CTBP2: variants seen among roughly 807,000 people sequenced by gnomAD.
CTBP2 encodes the protein C-terminal-binding protein 2.
Under a neutral mutation model 80.3 loss-of-function variants are expected in CTBP2, and 30 were observed. That is an observed-to-expected ratio of 0.37 (90% CI 0.28 to 0.51). The LOEUF (loss-of-function observed/expected upper bound fraction) is 0.51. Ranked by LOEUF, CTBP2 falls within the 20% of genes least tolerant of loss-of-function variation. The probability of loss-of-function intolerance (pLI) is 0.93; values close to 1 mark genes in which losing one functional copy is unlikely to be tolerated. For missense variants in CTBP2, 1,212 were observed against 1,375.3 expected (o/e 0.88, Z 1.88); for synonymous variants, 594 against 587.4 (o/e 1.01, Z -0.16).
Position 124,989,287 on chromosome 10 carries a change from C to G in CTBP2, c.*231G>C. 1 of 555,100 alleles carries G rather than the reference C, an allele frequency of 1.8e-6. No homozygotes were observed. The highest frequency in any genetic ancestry group is 3.2e-6 in the Non-Finnish European group (1 of 310,514). 34.4% of individuals were successfully genotyped at this position (555,100 alleles called of 1,614,324 possible). On this transcript the variant is annotated 3_prime_UTR_variant, in exon 9 of 9. Coordinates refer to ENST00000309035, the MANE Select transcript of CTBP2 (RefSeq NM_022802.3). ...ATGCACAGATGAAAAACTTAACACA[C>G]AATAACAGAAGTTGGTCGTTAATAA...
At chr10:125,033,491 G>A (rs1241961481) in intron 3 of CTBP2, among the ~76,000 whole-genome samples, 5 of 152,342 alleles carry the variant, frequency 3.3e-5, no homozygotes, top group Middle Eastern at 3.4e-3. Context: ...AAAGGAGAGA[G>A]GGCAAGAAGC....
chr10:125,032,117 T>C (rs938087873), upstream of CTBP2, among the ~76,000 whole-genome samples: 1 of 151,150 alleles, frequency 6.6e-6, no homozygotes, highest in Non-Finnish European at 1.5e-5. Flanking sequence ...GGAGCCAAAG[T>C]GTGCAACGGG....
At chr10:125,132,350 A>T (rs1043173242) in intron 1 of CTBP2, among the ~76,000 whole-genome samples, 1 of 152,218 alleles carries the variant, frequency 6.6e-6, no homozygotes, top group Non-Finnish European at 1.5e-5. Flanking sequence ...TTATGACACA[A>T]CTTGAGTCCA....
intron 1 of CTBP2, among the ~76,000 whole-genome samples, chr10:125,137,566 G>GA (rs1369904661): frequency 6.6e-6 from 1 of 152,162 alleles, no homozygotes; most frequent in Non-Finnish European, 1.5e-5. Flanking sequence ...ACACTAGGCT[G>GA]AAAAAATGGA....
chr10:125,149,439 A>G (rs1299136393), intron 1 of CTBP2, among the ~76,000 whole-genome samples: 1 of 152,154 alleles, frequency 6.6e-6, no homozygotes, highest in Non-Finnish European at 1.5e-5. Context: ...TTCATACCCA[A>G]GCTGGAGGTG....
intron 1 of CTBP2, among the ~76,000 whole-genome samples, chr10:125,149,938 C>T (rs531906845): frequency 1.3e-5 from 2 of 152,338 alleles, no homozygotes; most frequent in African/African-American, 4.8e-5. Context: ...ATTCAAATTC[C>T]TTTCTAAGGC....
chr10:125,117,025 G>A (rs112631010), intron 1 of CTBP2, among the ~76,000 whole-genome samples: 9 of 152,214 alleles, frequency 5.9e-5, no homozygotes, highest in African/African-American at 1.7e-4. Context: ...CCTTTCCTGC[G>A]TACCACAGTG....
At chr10:125,029,738 T>C (rs1957993120), upstream of CTBP2, among the ~76,000 whole-genome samples, 1 of 144,270 alleles carries the variant, frequency 6.9e-6, no homozygotes, top group Non-Finnish European at 1.6e-5. Context: ...GTCTTTTTTG[T>C]AGCAGGGTGA....
At chr10:125,156,793 T>G (rs1317331904) in intron 1 of CTBP2, among the ~76,000 whole-genome samples, 1 of 152,246 alleles carries the variant, frequency 6.6e-6, no homozygotes, top group African/African-American at 2.4e-5. Context: ...AATCTCTCTT[T>G]GAAACATTTT....
At chr10:125,057,634 A>T (rs1964215677) in intron 2 of CTBP2, among the ~76,000 whole-genome samples, 1 of 152,186 alleles carries the variant, frequency 6.6e-6, no homozygotes, top group Non-Finnish European at 1.5e-5. Context: ...TTGAATAGCA[A>T]ATGTTTCAAT....
chr10:124,985,014 A>C lies in CTBP2; in HGVS notation c.*4504T>G. 1 of 1,560,252 alleles carries C rather than the reference A, an allele frequency of 6.4e-7. No homozygotes were observed. Among genetic ancestry groups the C allele is most frequent in the Non-Finnish European group, 8.8e-7 (1 of 1,142,314 alleles). ...ATGAAAAAAAAAATCAAACAGCAGA[A>C]GACCAAGGCATCAGATCTGTAATGA... On this transcript the variant is annotated 3_prime_UTR_variant, in exon 9 of 9. Coordinates refer to ENST00000309035, the MANE Select transcript of CTBP2 (RefSeq NM_022802.3).
intron 2 of CTBP2, among the ~76,000 whole-genome samples, chr10:125,061,941 C>G (rs1243222712): frequency 1.3e-5 from 2 of 152,328 alleles, no homozygotes; most frequent in African/African-American, 4.8e-5. Context: ...AATGACTAAA[C>G]AGAGGCCCAG....
intron 8 of CTBP2, among the ~76,000 whole-genome samples, chr10:124,991,281 G>A (rs1022209042): frequency 4.6e-5 from 7 of 152,110 alleles, no homozygotes; most frequent in African/African-American, 1.7e-4. Context: ...CTGCCATCCT[G>A]TCACCAAGAC....
At chr10:125,069,618 TCAAA>T (rs201333061) in intron 2 of CTBP2, among the ~76,000 whole-genome samples, 1,845 of 152,286 alleles carry the variant, frequency 0.012, 40 homozygotes, top group African/African-American at 0.042. Context: ...AGACTTCATC[TCAAA>T]CAAACAAGAA....
intron 2 of CTBP2, among the ~76,000 whole-genome samples, chr10:125,084,330 G>A (rs939945830): frequency 1.3e-5 from 2 of 152,324 alleles, no homozygotes; most frequent in African/African-American, 4.8e-5. Context: ...GAAGCTGCAC[G>A]GAGAACGGTC....
intron 2 of CTBP2, among the ~76,000 whole-genome samples, chr10:125,047,702 G>C: frequency 6.6e-6 from 1 of 152,136 alleles, no homozygotes; most frequent in East Asian, 1.9e-4. Context: ...CCATATTATA[G>C]AACACTGTGT....
At chr10:125,126,060 G>C (rs1012492293) in intron 1 of CTBP2, among the ~76,000 whole-genome samples, 1 of 152,230 alleles carries the variant, frequency 6.6e-6, no homozygotes, top group Non-Finnish European at 1.5e-5. Flanking sequence ...GAGGTTGCGG[G>C]AAGGCAAGGA....
intron 2 of CTBP2, among the ~76,000 whole-genome samples, chr10:125,056,162 C>CT (rs746709752): frequency 5.5e-4 from 76 of 139,124 alleles, no homozygotes; most frequent in South Asian, 3.8e-3. Flanking sequence ...GAGATTGTGT[C>CT]TCAAAAATAA....
chr10:125,047,728 G>A (rs899848385), intron 2 of CTBP2, among the ~76,000 whole-genome samples: 1 of 152,172 alleles, frequency 6.6e-6, no homozygotes, highest in African/African-American at 2.4e-5. Flanking sequence ...GTATCATATA[G>A]TATATAATAA....
Sources: gnomAD v4.1 joint callset for allele counts (sites outside exome capture counted in the v4.1 genomes callset) on GRCh38, gnomAD v4.1.1 for gene constraint, MANE v1.5 for transcripts, NCBI Gene and HGNC (gene_info 2026-07-23, HGNC 2026-07-21) for gene names.